The following GNAZ variants were observed in gnomAD, a reference collection of about 807,000 sequenced individuals.
The protein encoded by GNAZ is G protein subunit alpha z.
In GNAZ, 3 loss-of-function variants were observed where a neutral mutation model predicts 25.4. The ratio of observed to expected loss-of-function variants is 0.12; its 90% CI spans 0.05 to 0.30. The LOEUF (loss-of-function observed/expected upper bound fraction) is 0.30. Ranked by LOEUF, GNAZ falls within the 10% of genes least tolerant of loss-of-function variation. The pLI is 1.00. For missense variants in GNAZ, 241 were observed against 501.8 expected (o/e 0.48, Z 4.97); for synonymous variants, 211 against 205.7 (o/e 1.03, Z -0.22).
At chr22:23,112,425 T>C (rs2069681893) in intron 2 of GNAZ, among the ~76,000 whole-genome samples, 2 of 152,088 alleles carry the variant, frequency 1.3e-5, no homozygotes, top group Non-Finnish European at 2.9e-5. Flanking sequence ...ACCAGGTACA[T>C]GGTTGAAGAG....
chr22:23,098,446 G>A (rs577000753), intron 2 of GNAZ, among the ~76,000 whole-genome samples: 2 of 152,188 alleles, frequency 1.3e-5, no homozygotes, highest in South Asian at 4.1e-4. Context: ...CCCTCTCCCA[G>A]GCCTGTCCCT....
intron 2 of GNAZ, among the ~76,000 whole-genome samples, chr22:23,117,339 C>A: frequency 6.6e-6 from 1 of 152,238 alleles, no homozygotes; most frequent in East Asian, 1.9e-4. Flanking sequence ...TTCATCACAT[C>A]GGCCATTGCA....
intron 2 of GNAZ, among the ~76,000 whole-genome samples, chr22:23,106,701 G>A (rs2069489220): frequency 6.6e-6 from 1 of 152,252 alleles, no homozygotes; most frequent in Admixed American, 6.5e-5. Context: ...GTGAGCGGTT[G>A]GCAGAGCCTG....
intron 1 of GNAZ, among the ~76,000 whole-genome samples, chr22:23,083,959 GGA>G (rs1341676218): frequency 6.6e-6 from 1 of 152,176 alleles, no homozygotes; most frequent in East Asian, 1.9e-4. Flanking sequence ...CAGGTGGGGT[GGA>G]ACAGGGCACT....
chr22:23,112,701 A>G (rs1320748084), intron 2 of GNAZ, among the ~76,000 whole-genome samples: 3 of 152,192 alleles, frequency 2.0e-5, no homozygotes, highest in Non-Finnish European at 4.4e-5. Flanking sequence ...GGTAAGCACG[A>G]TGCAGCTGCG....
chr22:23,079,510 C>T (rs1458565033), intron 1 of GNAZ, among the ~76,000 whole-genome samples: 1 of 152,156 alleles, frequency 6.6e-6, no homozygotes, highest in Non-Finnish European at 1.5e-5. Flanking sequence ...CATTGCACAG[C>T]CCTGGTGCCC....
intron 1 of GNAZ, among the ~76,000 whole-genome samples, chr22:23,084,723 A>G (rs1367819421): frequency 2.0e-5 from 3 of 152,166 alleles, no homozygotes; most frequent in Non-Finnish European, 2.9e-5. Context: ...CACTACCCCA[A>G]GGCCCAGTGG....
At chr22:23,086,153 A>C (rs2068815730) in intron 1 of GNAZ, among the ~76,000 whole-genome samples, 1 of 152,250 alleles carries the variant, frequency 6.6e-6, no homozygotes, top group Non-Finnish European at 1.5e-5. Context: ...TAAGTAAAAA[A>C]GGCAGTCAAT....
chr22:23,111,803 A>T (rs1015237942), intron 2 of GNAZ, among the ~76,000 whole-genome samples: 1 of 152,166 alleles, frequency 6.6e-6, no homozygotes, highest in Non-Finnish European at 1.5e-5. Flanking sequence ...TTTGGACTTA[A>T]CCCTGTTTGT....
intron 1 of GNAZ, among the ~76,000 whole-genome samples, chr22:23,088,402 C>T (rs530917979): frequency 1.1e-4 from 16 of 152,192 alleles, no homozygotes; most frequent in African/African-American, 1.7e-4. Flanking sequence ...TGTCACTGCG[C>T]GGGCCTCCTC....
intron 2 of GNAZ, among the ~76,000 whole-genome samples, chr22:23,103,877 C>A (rs2069378296): frequency 6.6e-6 from 1 of 152,158 alleles, no homozygotes; most frequent in Non-Finnish European, 1.5e-5. Flanking sequence ...AGGCTGGCTT[C>A]CCCAGTGCCT....
chr22:23,092,289 T>C (rs1298065230), intron 1 of GNAZ, among the ~76,000 whole-genome samples: 2 of 152,156 alleles, frequency 1.3e-5, no homozygotes, highest in Non-Finnish European at 2.9e-5. Flanking sequence ...GGGACTGTCA[T>C]AAGGTCCCAT....
At chr22:23,100,844 C>A (rs764102732) in intron 2 of GNAZ, among the ~76,000 whole-genome samples, 11 of 152,212 alleles carry the variant, frequency 7.2e-5, no homozygotes, top group Non-Finnish European at 1.0e-4. Context: ...TCGTCCATAA[C>A]AGGAGTGTAT....
chr22:23,111,374 C>A (rs960107916), intron 2 of GNAZ, among the ~76,000 whole-genome samples: 1 of 152,194 alleles, frequency 6.6e-6, no homozygotes, highest in African/African-American at 2.4e-5. Flanking sequence ...GCACTGGACT[C>A]GGTTCCGCCT....
intron 1 of GNAZ, among the ~76,000 whole-genome samples, chr22:23,094,233 C>T (rs559819524): frequency 1.4e-4 from 21 of 152,228 alleles, no homozygotes; most frequent in African/African-American, 4.8e-4. Context: ...AAGAGGGGTG[C>T]GTGTGAGTTG....
intron 1 of GNAZ, among the ~76,000 whole-genome samples, chr22:23,093,446 C>G (rs573105060): frequency 6.6e-6 from 1 of 152,324 alleles, no homozygotes; most frequent in African/African-American, 2.4e-5. Flanking sequence ...ACGGGCCCTC[C>G]TCACCCGCAC....
chr22:23,101,483 A>G (rs921625419), intron 2 of GNAZ, among the ~76,000 whole-genome samples: 6 of 151,630 alleles, frequency 4.0e-5, no homozygotes, highest in African/African-American at 1.5e-4. Flanking sequence ...GAAGGTTGAC[A>G]CTCCCCTCGT....
At chr22:23,077,504 G>C (rs1201702101) in intron 1 of GNAZ, among the ~76,000 whole-genome samples, 1 of 152,174 alleles carries the variant, frequency 6.6e-6, no homozygotes, top group African/African-American at 2.4e-5. Flanking sequence ...CCAGCAAGGA[G>C]CCCCTAGAAG....
At position 23,097,689 on chromosome 22, in the gene GNAZ, G is replaced by C. The variant is rs182711464; in HGVS notation, c.723+1271G>C. Reference sequence around the variant, plus strand: ...GGTTGCCACAAGTTCAGCCCCATGTGTGGTTCTGGGCAGAGGGGACATCTC... The same window carrying C: ...GGTTGCCACAAGTTCAGCCCCATGTCTGGTTCTGGGCAGAGGGGACATCTC... On this transcript the variant is annotated intron_variant, in intron 2 of 2. Transcript: ENST00000615612. Among the ~76,000 whole-genome samples the C allele has an allele frequency of 3.2e-3, 485 of 152,388 alleles. 3 individuals are homozygous for C. The highest frequency in any genetic ancestry group is 0.011 in the African/African-American group (459 of 41,602).
Sources: allele counts gnomAD v4.1 joint callset (sites outside exome capture counted in the v4.1 genomes callset), GRCh38; gene constraint gnomAD v4.1.1; transcripts MANE v1.5; gene names NCBI Gene and HGNC (gene_info 2026-07-23, HGNC 2026-07-21).